DPEP1: variants seen among roughly 807,000 people sequenced by gnomAD.
The protein encoded by DPEP1 is beta-lactamase.
Under a neutral mutation model 42.3 loss-of-function variants are expected in DPEP1, and 50 were observed. The observed-to-expected ratio is 1.18, with a 90% CI of 0.94 to 1.50. DPEP1 has a LOEUF of 1.50. Ranked by LOEUF, DPEP1 falls within the 40% of genes most tolerant of loss-of-function variation. The pLI is 0.00. For missense variants in DPEP1, 663 were observed against 553.0 expected (o/e 1.20, Z -1.99); for synonymous variants, 297 against 234.0 (o/e 1.27, Z -2.46).
intron 1 of DPEP1, chr16:89,616,996 C>T (rs1475572092): frequency 2.0e-5 from 4 of 204,510 alleles, no homozygotes; most frequent in Non-Finnish European, 3.1e-5. Context: ...GGGCGGGAGG[C>T]TGGAGGTCCT....
intron 2 of DPEP1, among the ~76,000 whole-genome samples, chr16:89,634,573 C>G (rs1257058701): frequency 1.9e-5 from 1 of 53,920 alleles, no homozygotes; most frequent in African/African-American, 4.9e-5. Flanking sequence ...CCTTCCTTCT[C>G]CTTTCCCCTT....
intron 1 of DPEP1, chr16:89,616,817 C>A: frequency 3.9e-6 from 1 of 258,170 alleles, no homozygotes; most frequent in South Asian, 3.1e-5. Context: ...AGAAAGCGGC[C>A]AGGAAGTGGC....
chr16:89,633,546 A>T (rs79260591), intron 2 of DPEP1, among the ~76,000 whole-genome samples: 2,251 of 150,850 alleles, frequency 0.015, 38 homozygotes, highest in African/African-American at 0.053. Flanking sequence ...GCTGGGTCAC[A>T]GAAAGCAGAG....
intron 1 of DPEP1, among the ~76,000 whole-genome samples, chr16:89,619,889 T>C (rs548193719): frequency 1.8e-4 from 13 of 72,896 alleles, no homozygotes; most frequent in Non-Finnish European, 3.5e-4. Context: ...CTGCCCATCA[T>C]TGGCTGCTTG....
Position 89,637,382 on chromosome 16 carries a change from T to C in DPEP1, c.768+2T>C. 6.2e-7 allele frequency: 1 copy of C among 1,612,150 alleles called. No individual in the cohort carries two copies. The highest frequency in any genetic ancestry group is 8.5e-7 in the Non-Finnish European group (1 of 1,179,832). ...CCTGACGACGTCCTGAGGCTGGTGG[T>C]GAGGGCCGAGGGGGCGACCTCCACC... is the stretch of plus-strand genomic sequence containing the variant. On this transcript the variant is annotated splice_donor_variant, in intron 7 of 10. Transcript: ENST00000690203. LOFTEE classifies it high-confidence loss of function.
chr16:89,617,879 C>A (rs1054887493), intron 1 of DPEP1, among the ~76,000 whole-genome samples: 5 of 151,816 alleles, frequency 3.3e-5, no homozygotes, highest in African/African-American at 1.2e-4. Context: ...CAAAAATTAG[C>A]TGTGTGTGGT....
upstream of DPEP1, chr16:89,613,398 G>C (rs1006724481): frequency 1.3e-5 from 2 of 152,272 alleles, no homozygotes; most frequent in African/African-American, 4.8e-5. Context: ...TTCTAGCCTT[G>C]GGGGAGGTCA....
chr16:89,619,847 C>G (rs539413281), intron 1 of DPEP1, among the ~76,000 whole-genome samples: 1 of 50,206 alleles, frequency 2.0e-5, no homozygotes, highest in East Asian at 4.1e-4. Context: ...CGTCCCCTCC[C>G]CTCTCTGCAG....
chr16:89,616,631 T>C (rs973155755), intron 1 of DPEP1, among the ~76,000 whole-genome samples: 4 of 152,118 alleles, frequency 2.6e-5, no homozygotes, highest in African/African-American at 9.7e-5. Context: ...AGAGGTTCCT[T>C]GAAGTTTGTG....
rs1385011155 is a variant in DPEP1, at chr16:89,630,383, G to C, written c.-28G>C. 1 of 1,593,334 alleles carries C rather than the reference G, an allele frequency of 6.3e-7. No homozygotes were observed. Among genetic ancestry groups the C allele is most frequent in the Non-Finnish European group, 8.6e-7 (1 of 1,164,278 alleles). On this transcript the variant is annotated 5_prime_UTR_variant, in exon 2 of 11. Transcript: ENST00000690203. ...CCAGCACAGAGGCACCAGGGCAGCAGTGCACACAGGTCCCCGGGGACCCCA... is the reference window on the plus strand; with the variant it reads ...CCAGCACAGAGGCACCAGGGCAGCACTGCACACAGGTCCCCGGGGACCCCA...
intron 2 of DPEP1, among the ~76,000 whole-genome samples, chr16:89,635,168 T>TC (rs1234210650): frequency 5.0e-5 from 2 of 40,294 alleles, no homozygotes; most frequent in African/African-American, 1.5e-4. Flanking sequence ...TCCTTCCCTT[T>TC]CCCTTCCTTC....
downstream of DPEP1, among the ~76,000 whole-genome samples, chr16:89,639,168 C>T (rs1191318882): frequency 1.4e-5 from 1 of 70,858 alleles, no homozygotes; most frequent in Non-Finnish European, 2.7e-5. Flanking sequence ...ACACCCCATC[C>T]CTGCACGCAC....
chr16:89,616,073 A>C (rs1597737655), intron 1 of DPEP1, among the ~76,000 whole-genome samples: 4 of 147,514 alleles, frequency 2.7e-5, no homozygotes, highest in African/African-American at 1.0e-4. Flanking sequence ...ACTTCATCTC[A>C]AAAAAAAAAC....
intron 1 of DPEP1, among the ~76,000 whole-genome samples, chr16:89,615,782 C>T (rs57856222): frequency 0.07 from 10,621 of 152,226 alleles, 545 homozygotes; most frequent in East Asian, 0.21. Flanking sequence ...GCCAGGCAGG[C>T]GGTCAACACG....
rs1186612097 is a variant in DPEP1 at position 89,637,929 on chromosome 16, A to G, written c.1023A>G (p.Ala341=). 5 of 1,611,252 alleles carry G rather than the reference A, an allele frequency of 3.1e-6. No homozygotes were observed. Among genetic ancestry groups the G allele is most frequent in the Non-Finnish European group, 3.4e-6 (4 of 1,179,232 alleles). ...GGACGGAGGCGGAGGTCAAGGGCGC[A>G]CTGGCTGACAACCTGCTGAGGGTCT... ...RNWTEAEVKG[A]LADNLLRVFE... Residue 341 remains alanine, a synonymous_variant, in exon 10 of 11, where the codon GCA becomes GCG. Coordinates refer to ENST00000690203, the MANE Select transcript of DPEP1 (RefSeq NM_001389466.1).
intron 1 of DPEP1, among the ~76,000 whole-genome samples, chr16:89,629,718 C>T (rs950395942): frequency 6.6e-6 from 1 of 152,170 alleles, no homozygotes; most frequent in South Asian, 2.1e-4. Context: ...AGAGAGGCCC[C>T]GGTTCTAAGG....
intron 1 of DPEP1, among the ~76,000 whole-genome samples, chr16:89,623,815 G>C (rs1308305707): frequency 6.6e-6 from 1 of 152,174 alleles, no homozygotes; most frequent in Non-Finnish European, 1.5e-5. Flanking sequence ...AGAAAGGAGG[G>C]GAAGAAGAGG....
At chr16:89,616,783 G>A (rs1337394088) in intron 1 of DPEP1, 3 of 275,988 alleles carry the variant, frequency 1.1e-5, no homozygotes, top group Non-Finnish European at 2.1e-5. Flanking sequence ...CAGGAAGCAG[G>A]CAGGAAGTGG....
chr16:89,632,467 C>T lies in DPEP1; in HGVS notation c.104+1953C>T, dbSNP rs558411265. Among the ~76,000 whole-genome samples the T allele has an allele frequency of 1.1e-4, 17 of 152,272 alleles. No individual in the cohort carries two copies. The South Asian group carries it at 2.1e-3, about 19-fold the overall frequency. ...CAAATGGCTGTGTGCCCGCTAAAAA[C>T]GGGGGGTTTTAAAGTCACAAAGGAA... On this transcript the variant is annotated intron_variant, in intron 2 of 10. Transcript: ENST00000690203.
Sources: allele counts gnomAD v4.1 joint callset (sites outside exome capture counted in the v4.1 genomes callset), GRCh38; gene constraint gnomAD v4.1.1; transcripts MANE v1.5; gene names NCBI Gene and HGNC (gene_info 2026-07-23, HGNC 2026-07-21).